PIK3C3: variants seen among roughly 807,000 people sequenced by gnomAD.
PIK3C3 encodes the protein PI3-kinase type 3.
PIK3C3 carries 95 observed loss-of-function variants against 126.1 expected under a neutral mutation model. That is an observed-to-expected ratio of 0.75 (90% CI 0.64 to 0.89). The LOEUF (loss-of-function observed/expected upper bound fraction) is 0.89, where lower values mean the gene tolerates loss of function less well. Ranked by LOEUF, PIK3C3 falls within the 40% of genes least tolerant of loss-of-function variation. The probability of loss-of-function intolerance (pLI) is 0.00; values close to 1 mark genes in which losing one functional copy is unlikely to be tolerated. For synonymous variants in PIK3C3, 374 were observed against 360.0 expected, an observed-to-expected ratio of 1.04 and a Z score of -0.44; for missense variants, 829 against 1,063.2, an observed-to-expected ratio of 0.78 and a Z score of 3.06.
intron 13 of PIK3C3, among the ~76,000 whole-genome samples, chr18:42,023,670 T>C (rs924696395): frequency 6.6e-6 from 1 of 152,222 alleles, no homozygotes; most frequent in Non-Finnish European, 1.5e-5. Context: ...CTTTTGTGAA[T>C]GTAAGGTAAC....
intron 20 of PIK3C3, among the ~76,000 whole-genome samples, chr18:42,045,787 C>T (rs752063037): frequency 2.0e-5 from 3 of 152,144 alleles, no homozygotes; most frequent in Non-Finnish European, 2.9e-5. Flanking sequence ...TACGTTATTA[C>T]ATGAGGTGTT....
intron 21 of PIK3C3, among the ~76,000 whole-genome samples, chr18:42,053,211 A>G (rs1438138953): frequency 4.6e-5 from 7 of 152,230 alleles, no homozygotes; most frequent in African/African-American, 1.7e-4. Flanking sequence ...GGCATGTGAA[A>G]GAAAATGATT....
At chr18:42,015,626 ACTTGT>A in intron 12 of PIK3C3, 60 bp downstream of exon 12, 1 of 1,167,380 alleles carries the variant, frequency 8.6e-7, no homozygotes, top group South Asian at 1.3e-5. Flanking sequence ...AACATTTTAT[ACTTGT>A]CTTTAAAACC....
At chr18:42,057,676 G>A (rs118091070) in intron 21 of PIK3C3, 5,441 of 492,986 alleles carry the variant, frequency 0.011, 127 homozygotes, top group Admixed American at 0.079. Flanking sequence ...GCATAGTTTC[G>A]TGTGAACGAA....
At chr18:42,040,598 G>A in intron 18 of PIK3C3, 79 bp from the exon 19 acceptor site, 3 of 945,328 alleles carry the variant, frequency 3.2e-6, no homozygotes, top group South Asian at 1.5e-5. Flanking sequence ...TCAGAGATGA[G>A]GATTATTCTT....
chr18:42,078,769 C>G (rs991822126), intron 24 of PIK3C3, among the ~76,000 whole-genome samples: 1 of 152,214 alleles, frequency 6.6e-6, no homozygotes, highest in African/African-American at 2.4e-5. Flanking sequence ...GCACTGGCTG[C>G]TTTACCTTGC....
intron 12 of PIK3C3, 25 bp from the exon 13 acceptor site, chr18:42,020,613 A>G: frequency 1.3e-6 from 2 of 1,496,106 alleles, no homozygotes; most frequent in South Asian, 2.4e-5. Flanking sequence ...GATAATATAT[A>G]ATACATTTCT....
chr18:42,027,117 A>G (rs564653359), intron 13 of PIK3C3: 2 of 165,506 alleles, frequency 1.2e-5, no homozygotes, highest in Non-Finnish European at 2.6e-5. Flanking sequence ...CTCAGTAAAT[A>G]TGTGAGCTTA....
chr18:42,085,424 A>T lies in PIK3C3; in HGVS notation c.*4287A>T, dbSNP rs1479759971. 6.6e-6 allele frequency: 1 copy of T among 152,230 alleles called. No homozygotes were observed. Among genetic ancestry groups the T allele is most frequent in the Non-Finnish European group, 1.5e-5 (1 of 68,032 alleles). The allele number at this position is 152,230 out of a possible 1,614,324, so 9.4% of individuals were successfully genotyped here. On this transcript the variant is annotated 3_prime_UTR_variant, in exon 25 of 25. Transcript: ENST00000262039. Reference sequence around the variant, plus strand: ...TAGGAAAAATTGCCATGAAATCATGAGCTAAGTCAATGGTTATTTTAAACC... The same window carrying T: ...TAGGAAAAATTGCCATGAAATCATGTGCTAAGTCAATGGTTATTTTAAACC...
intron 24 of PIK3C3, among the ~76,000 whole-genome samples, chr18:42,071,162 T>C (rs766738556): frequency 8.5e-5 from 13 of 152,198 alleles, no homozygotes; most frequent in Non-Finnish European, 1.8e-4. Context: ...TGAATTATTC[T>C]AACAGTCTAA....
intron 10 of PIK3C3, among the ~76,000 whole-genome samples, chr18:42,007,473 A>G (rs555822701): frequency 6.6e-6 from 1 of 152,258 alleles, no homozygotes; most frequent in East Asian, 1.9e-4. Flanking sequence ...TGCATATTAT[A>G]AAAATATTGA....
At chr18:41,987,724 G>A (rs567309851) in intron 4 of PIK3C3, 88 bp from the exon 5 acceptor site, 3 of 784,482 alleles carry the variant, frequency 3.8e-6, no homozygotes, top group Non-Finnish European at 6.7e-6. Flanking sequence ...AGTATCATAT[G>A]TGAAGTGTAC....
chr18:42,006,000 C>T (rs975548261), intron 10 of PIK3C3, among the ~76,000 whole-genome samples: 4 of 151,024 alleles, frequency 2.6e-5, no homozygotes, highest in African/African-American at 7.3e-5. Context: ...TCCCATAACC[C>T]TCTCCTTGGG....
At chr18:41,975,840 C>T (rs1980895059) in intron 4 of PIK3C3, among the ~76,000 whole-genome samples, 1 of 151,978 alleles carries the variant, frequency 6.6e-6, no homozygotes, top group African/African-American at 2.4e-5. Context: ...GCTGTGACTA[C>T]AGGCACCCGC....
intron 15 of PIK3C3, among the ~76,000 whole-genome samples, chr18:42,031,936 G>A (rs1001033768): frequency 7.9e-5 from 12 of 152,086 alleles, no homozygotes; most frequent in African/African-American, 2.7e-4. Context: ...TCATATTCTC[G>A]TTGAAGAGAG....
In PIK3C3 at chr18:42,064,820, CTG is replaced by C. The variant is rs750435412; in HGVS notation, c.2516_2517del (p.Val839GlufsTer6). On this transcript the variant is annotated frameshift_variant, in exon 23 of 25. Transcript: ENST00000262039. LOFTEE classifies it high-confidence loss of function. ...GATATTGCACTTGAACCAGATAAAA[CTG>C]TGAAAAAGGTAATTTTTAAGTAACA... The C allele has an allele frequency of 5.5e-5, 86 of 1,571,310 alleles. No individual in the cohort carries two copies. The highest frequency in any genetic ancestry group is 6.7e-5 in the Non-Finnish European group (77 of 1,142,002).
chr18:42,022,273 G>A (rs523425), intron 13 of PIK3C3, among the ~76,000 whole-genome samples: 74,942 of 151,972 alleles, frequency 0.49, 20,184 homozygotes, highest in African/African-American at 0.72. Flanking sequence ...ATTTCTCCCA[G>A]TGCTATCCCT....
At chr18:42,025,746 T>C (rs1983536773) in intron 13 of PIK3C3, 3 of 152,214 alleles carry the variant, frequency 2.0e-5, no homozygotes, top group African/African-American at 7.2e-5. Flanking sequence ...GCAGGTCATG[T>C]AATGGAATTC....
At chr18:42,076,089 C>CATATATATATATATATAT (rs71174077) in intron 24 of PIK3C3, among the ~76,000 whole-genome samples, 2 of 54,660 alleles carry the variant, frequency 3.7e-5, no homozygotes, top group African/African-American at 1.6e-4. Flanking sequence ...CTTTACCTTG[C>CATATATATATATATATAT]ATATATATAT....
Sources: allele counts gnomAD v4.1 joint callset (sites outside exome capture counted in the v4.1 genomes callset), GRCh38; gene constraint gnomAD v4.1.1; transcripts MANE v1.5; gene names NCBI Gene and HGNC (gene_info 2026-07-23, HGNC 2026-07-21).